ENTHD1: variants seen among roughly 807,000 people sequenced by gnomAD.
ENTHD1 encodes ENTH domain-containing protein 1.
ENTHD1 carries 23 observed loss-of-function variants against 39.1 expected under a neutral mutation model. The ratio of observed to expected loss-of-function variants is 0.59; its 90% CI spans 0.42 to 0.83. ENTHD1 has a LOEUF of 0.83. Among genes scored for constraint, ENTHD1 ranks in the 40% least tolerant of loss-of-function variants. The pLI, the probability that ENTHD1 is intolerant of heterozygous loss-of-function variation, is 0.00. For missense variants in ENTHD1, 624 were observed against 705.4 expected (o/e 0.88, Z 1.31); for synonymous variants, 230 against 258.2 (o/e 0.89, Z 1.05).
chr22:39,881,885 GCAAGTGTAAAGAC>G (rs1569181065), intron 2 of ENTHD1, among the ~76,000 whole-genome samples: 1 of 152,132 alleles, frequency 6.6e-6, no homozygotes, highest in African/African-American at 2.4e-5. Context: ...CAAAGGCAAC[GCAAGTGTAAAGAC>G]CAAATAAGAG....
intron 3 of ENTHD1, among the ~76,000 whole-genome samples, chr22:39,838,886 CAG>C (rs1260230456): frequency 6.6e-6 from 1 of 151,460 alleles, no homozygotes; most frequent in Non-Finnish European, 1.5e-5. Context: ...CATATGACTT[CAG>C]AGAGAAAAGG....
chr22:39,764,780 T>A (rs935486323), intron 6 of ENTHD1, among the ~76,000 whole-genome samples: 3 of 151,478 alleles, frequency 2.0e-5, no homozygotes, highest in Non-Finnish European at 2.9e-5. Context: ...CTGCCCCTTT[T>A]GTGCAATCAG....
chr22:39,800,721 T>C lies in ENTHD1; in HGVS notation c.832+20272A>G, dbSNP rs1014195619. On this transcript the variant is annotated intron_variant, in intron 5 of 6. Transcript: ENST00000325157. ...AATCAGGTTTCAGCTTTGGGTTTAT[T>C]TGGTTTGTGCAATTTTTGTTCTGTT... Among the ~76,000 whole-genome samples the C allele has an allele frequency of 2.6e-5, 4 of 152,238 alleles. No homozygotes were observed. In the South Asian group the frequency reaches 8.3e-4, roughly 32 times the overall value.
chr22:39,795,158 G>C lies in ENTHD1; in HGVS notation c.832+25835C>G, dbSNP rs535963500. ...TCTTTTTGATGTGCTGTTGGATTCA[G>C]TTTGCTAGTATTTTGTTGAGGATTT... On this transcript the variant is annotated intron_variant, in intron 5 of 6. Coordinates refer to ENST00000325157, the MANE Select transcript of ENTHD1 (RefSeq NM_152512.4). Among the ~76,000 whole-genome samples the C allele has an allele frequency of 3.9e-5, 6 of 152,246 alleles. No homozygotes were observed. The South Asian group carries it at 1.2e-3, about 32-fold the overall frequency.
chr22:39,872,082 C>T lies in ENTHD1; in HGVS notation c.350-10075G>A, dbSNP rs138694029. ...TCACCGATTAGAGAATTCTGACTCTCGATGTCTGACACTAGTCTGAAAATT... is the reference window on the plus strand; with the variant it reads ...TCACCGATTAGAGAATTCTGACTCTTGATGTCTGACACTAGTCTGAAAATT... On this transcript the variant is annotated intron_variant, in intron 2 of 6. Transcript: ENST00000325157. Among the ~76,000 whole-genome samples, 32 of 152,244 alleles carry T rather than the reference C, an allele frequency of 2.1e-4. No homozygotes were observed. In the East Asian group the frequency reaches 6.0e-3, roughly 28 times the overall value.
chr22:39,892,640 G>T (rs2066435297), intron 1 of ENTHD1, among the ~76,000 whole-genome samples: 1 of 152,208 alleles, frequency 6.6e-6, no homozygotes, highest in Non-Finnish European at 1.5e-5. Flanking sequence ...AGGAACAGAG[G>T]AGCTGAACTG....
At chr22:39,781,659 A>T (rs2065410977) in intron 5 of ENTHD1, among the ~76,000 whole-genome samples, 1 of 152,120 alleles carries the variant, frequency 6.6e-6, no homozygotes, top group African/African-American at 2.4e-5. Context: ...AATAATAAAG[A>T]TCAGAGAGAA....
chr22:39,825,915 GC>G (rs1249801225), intron 4 of ENTHD1, among the ~76,000 whole-genome samples: 1 of 151,946 alleles, frequency 6.6e-6, no homozygotes, highest in Non-Finnish European at 1.5e-5. Context: ...TCACTCTGTA[GC>G]CCAGGCTGGA....
intron 3 of ENTHD1, among the ~76,000 whole-genome samples, chr22:39,837,240 A>C (rs1442455474): frequency 6.6e-6 from 1 of 152,164 alleles, no homozygotes; most frequent in African/African-American, 2.4e-5. Flanking sequence ...ACTACTGGAG[A>C]TATGTAAAGA....
chr22:39,871,108 T>C (rs974165117), intron 2 of ENTHD1, among the ~76,000 whole-genome samples: 2 of 151,752 alleles, frequency 1.3e-5, no homozygotes, highest in African/African-American at 4.8e-5. Flanking sequence ...AGTTGGAAGC[T>C]GCAGTGAGCT....
intron 4 of ENTHD1, among the ~76,000 whole-genome samples, chr22:39,832,360 G>A (rs558834594): frequency 6.6e-6 from 1 of 152,124 alleles, no homozygotes; most frequent in African/African-American, 2.4e-5. Context: ...AATTCTAAGT[G>A]GGCACCTACG....
intron 3 of ENTHD1, among the ~76,000 whole-genome samples, chr22:39,851,696 C>T (rs2066041478): frequency 6.6e-6 from 1 of 152,246 alleles, no homozygotes; most frequent in Admixed American, 6.5e-5. Context: ...CTCTGATCTA[C>T]TAACAACTGC....
chr22:39,753,633 A>G (rs1478386091), intron 6 of ENTHD1, among the ~76,000 whole-genome samples: 4 of 152,182 alleles, frequency 2.6e-5, no homozygotes. Context: ...TCTTAAAACA[A>G]AACTGGAACA....
intron 5 of ENTHD1, among the ~76,000 whole-genome samples, chr22:39,778,124 G>T (rs868290994): frequency 2.0e-5 from 3 of 152,176 alleles, no homozygotes; most frequent in Non-Finnish European, 2.9e-5. Context: ...TGCTTGAAAA[G>T]GTGCCTGGCA....
intron 4 of ENTHD1, among the ~76,000 whole-genome samples, chr22:39,821,578 A>T (rs1046339299): frequency 1.3e-5 from 2 of 152,246 alleles, no homozygotes; most frequent in Non-Finnish European, 2.9e-5. Context: ...TTTCATTTAT[A>T]TCCCTACCAT....
chr22:39,760,340 C>T (rs2065222521), intron 6 of ENTHD1, among the ~76,000 whole-genome samples: 1 of 151,848 alleles, frequency 6.6e-6, no homozygotes, highest in Admixed American at 6.6e-5. Context: ...CATTTAGTTG[C>T]TGTATATCCC....
At chr22:39,865,906 G>C (rs896556585) in intron 2 of ENTHD1, among the ~76,000 whole-genome samples, 8 of 152,164 alleles carry the variant, frequency 5.3e-5, no homozygotes, top group Non-Finnish European at 1.2e-4. Context: ...TGCCATCTCT[G>C]CTTCTCTAGG....
At chr22:39,832,916 C>T (rs145872000) in intron 4 of ENTHD1, among the ~76,000 whole-genome samples, 101 of 152,278 alleles carry the variant, frequency 6.6e-4, no homozygotes, top group African/African-American at 2.3e-3. Context: ...TGCCCTGCAA[C>T]TGGCCTCCAC....
intron 5 of ENTHD1, among the ~76,000 whole-genome samples, chr22:39,804,397 G>A (rs867396003): frequency 7.6e-5 from 11 of 143,926 alleles, no homozygotes; most frequent in South Asian, 2.2e-4. Context: ...AAGGTGGGAG[G>A]ATCACTTGAC....
Sources: allele counts gnomAD v4.1 joint callset (sites outside exome capture counted in the v4.1 genomes callset), GRCh38; gene constraint gnomAD v4.1.1; transcripts MANE v1.5; gene names NCBI Gene and HGNC (gene_info 2026-07-23, HGNC 2026-07-21).